SOX21: variants seen among roughly 807,000 people sequenced by gnomAD.
SOX21 encodes the protein transcription factor SOX-21.
For missense variants in SOX21, 370 were observed against 388.8 expected (o/e 0.95, Z 0.41); for synonymous variants, 237 against 189.7 (o/e 1.25, Z -2.05).
In SOX21 at chr13:94,712,094, C is replaced by A. The variant is rs374564780; in HGVS notation, c.-45G>T. The stretch of plus-strand genomic sequence containing the variant: ...TGCAGCCCGCCGCCTCCCGGGCCCT[C>A]GCCCTCGGCCCGGAGGAAATCAATG... On this transcript the variant is annotated 5_prime_UTR_variant, in exon 1 of 1. Coordinates refer to ENST00000376945, the MANE Select transcript of SOX21 (RefSeq NM_007084.4). This position sits in a 1 kb window ranked among gnomAD's most constrained non-coding sequence, Gnocchi z 5.0. The A allele has an allele frequency of 1.3e-5, 21 of 1,583,196 alleles. No individual in the cohort carries two copies. Among genetic ancestry groups the A allele is most frequent in the Admixed American group, 1.8e-5 (1 of 54,778 alleles).
In SOX21 at chr13:94,710,261, A is replaced by G. The variant is rs777262067; in HGVS notation, c.*958T>C. On this transcript the variant is annotated 3_prime_UTR_variant, in exon 1 of 1. Coordinates refer to ENST00000376945, the MANE Select transcript of SOX21 (RefSeq NM_007084.4). ...GGGCAACGAAAATAACACATTTTCCAAGCCTCAATGTTTTCACTGACATAT... is the reference window on the plus strand; with the variant it reads ...GGGCAACGAAAATAACACATTTTCCGAGCCTCAATGTTTTCACTGACATAT... 3.3e-5 allele frequency: 5 copies of G among 152,650 alleles called. No homozygotes were observed. Among genetic ancestry groups the G allele is most frequent in the Non-Finnish European group, 5.9e-5 (4 of 68,042 alleles). The allele number at this position is 152,650 out of a possible 1,614,324, so 9.5% of individuals were successfully genotyped here.
chr13:94,711,879 G>A lies in SOX21; in HGVS notation c.171C>T (p.Phe57=). Residue 57 remains phenylalanine, a synonymous_variant, in exon 1 of 1, where the codon TTC becomes TTT. Coordinates refer to ENST00000376945, the MANE Select transcript of SOX21 (RefSeq NM_007084.4). The stretch of plus-strand genomic sequence containing the variant: ...CGCGTAGACGCTTGGCCTCGTCGAT[G>A]AACGGCCGCTTCTCCGACTCTGTGA... ...KLLTESEKRP[F]IDEAKRLRAM... The A allele has an allele frequency of 6.2e-7, 1 of 1,614,006 alleles. No homozygotes were observed. The highest frequency in any genetic ancestry group is 1.7e-5 in the Admixed American group (1 of 60,028).
At position 94,710,366 on chromosome 13, in the gene SOX21, C is replaced by G. The variant is rs1875200217; in HGVS notation, c.*853G>C. ...CTTTTTCCTTTTTTGTAAACTGTGTCAGAAATCCAAGCGAGTGGACTCAGG... is the reference window on the plus strand; with the variant it reads ...CTTTTTCCTTTTTTGTAAACTGTGTGAGAAATCCAAGCGAGTGGACTCAGG... On this transcript the variant is annotated 3_prime_UTR_variant, in exon 1 of 1. Coordinates refer to ENST00000376945, the MANE Select transcript of SOX21 (RefSeq NM_007084.4). 1 of 152,528 alleles carries G rather than the reference C, an allele frequency of 6.6e-6. No homozygotes were observed. The highest frequency in any genetic ancestry group is 1.5e-5 in the Non-Finnish European group (1 of 68,036). 9.4% of individuals were successfully genotyped at this position (152,528 alleles called of 1,614,324 possible). A position where few individuals can be genotyped will look rare whatever the true frequency, so the allele number is the denominator to read the frequency against.
In SOX21 at chr13:94,712,446, C is replaced by T; in HGVS notation, c.-397G>A. 1 of 992,556 alleles carries T rather than the reference C, an allele frequency of 1.0e-6. No homozygotes were observed. Among genetic ancestry groups the T allele is most frequent in the African/African-American group, 1.7e-5 (1 of 57,442 alleles). The allele number at this position is 992,556 out of a possible 1,614,324, so 61.5% of individuals were successfully genotyped here. A position where few individuals can be genotyped will look rare whatever the true frequency, so the allele number is the denominator to read the frequency against. On this transcript the variant is annotated 5_prime_UTR_variant, in exon 1 of 1. Coordinates refer to ENST00000376945, the MANE Select transcript of SOX21 (RefSeq NM_007084.4). The surrounding 1 kb of genome is among the most constrained non-coding windows in gnomAD (Gnocchi z 5.0). Reference sequence around the variant, plus strand: ...CGTTCTCTCTTAAATGCAAAGCGTCCCCAAAAGTTGCGTCGCGGAGACTCC... The same window carrying T: ...CGTTCTCTCTTAAATGCAAAGCGTCTCCAAAAGTTGCGTCGCGGAGACTCC...
chr13:94,711,083 A>C lies in SOX21; in HGVS notation c.*136T>G. ...TGCCCCGCCTGGCCTCTCTGCCTCT[A>C]CCTGGCACCTATACATTCTATGTAC... On this transcript the variant is annotated 3_prime_UTR_variant, in exon 1 of 1. Transcript: ENST00000376945. The C allele has an allele frequency of 1.1e-6, 1 of 901,534 alleles. No homozygotes were observed. The highest frequency in any genetic ancestry group is 1.5e-6 in the Non-Finnish European group (1 of 689,448). The allele number at this position is 901,534 out of a possible 1,614,324, so 55.8% of individuals were successfully genotyped here. A position where few individuals can be genotyped will look rare whatever the true frequency, so the allele number is the denominator to read the frequency against.
Position 94,711,695 on chromosome 13 carries a change from C to T in SOX21, c.355G>A (p.Ala119Thr). 6.6e-7 allele frequency: 1 copy of T among 1,525,282 alleles called. No individual in the cohort carries two copies. The highest frequency in any genetic ancestry group is 8.8e-7 in the Non-Finnish European group (1 of 1,141,798). 94.5% of individuals were successfully genotyped at this position (1,525,282 alleles called of 1,614,324 possible). ...PALKAGAGLH[A>T]GAGGGLVPES... Reference sequence around the variant, plus strand: ...GGCACCAGGCCGCCGCCCGCCCCCGCGTGCAGCCCGGCGCCCGCCTTGAGC... The same window carrying T: ...GGCACCAGGCCGCCGCCCGCCCCCGTGTGCAGCCCGGCGCCCGCCTTGAGC... Residue 119 changes from alanine (A) to threonine (T), a missense_variant, in exon 1 of 1, where the codon GCG becomes ACG. By Grantham distance (58) the Ala-to-Thr change is moderately conservative (BLOSUM62 0). Coordinates refer to ENST00000376945, the MANE Select transcript of SOX21 (RefSeq NM_007084.4).
At position 94,711,215 on chromosome 13, in the gene SOX21, G is replaced by T; in HGVS notation, c.*4C>A. ...ACCGGTCCTCGCGAGGCGGCCCCGC[G>T]GGGTCATAGCGCGGCAGCGTAGGCC... is the stretch of plus-strand genomic sequence containing the variant. On this transcript the variant is annotated 3_prime_UTR_variant, in exon 1 of 1. Coordinates refer to ENST00000376945, the MANE Select transcript of SOX21 (RefSeq NM_007084.4). 7.5e-7 allele frequency: 1 copy of T among 1,328,730 alleles called. No homozygotes were observed. Among genetic ancestry groups the T allele is most frequent in the East Asian group, 3.1e-5 (1 of 32,680 alleles). The allele number at this position is 1,328,730 out of a possible 1,614,324, so 82.3% of individuals were successfully genotyped here.
In SOX21 at chr13:94,711,975, C is replaced by G. The variant is rs759756107; in HGVS notation, c.75G>C (p.Lys25Asn). 1 of 1,614,042 alleles carries G rather than the reference C, an allele frequency of 6.2e-7. No individual in the cohort carries two copies. The highest frequency in any genetic ancestry group is 8.5e-7 in the Non-Finnish European group (1 of 1,179,964). The change falls in exon 1 of 1, where the codon AAG becomes AAC. Residue 25 changes from lysine to asparagine, a missense_variant. Transcript: ENST00000376945. ...FMVWSRAQRR[K>N]MAQENPKMHN... ...GCATCTTGGGGTTCTCCTGGGCCAT[C>G]TTGCGCCGCTGAGCCCGCGACCACA... is the stretch of plus-strand genomic sequence containing the variant.
Position 94,711,694 on chromosome 13 carries a change from G to A in SOX21, c.356C>T (p.Ala119Val). The part of the protein sequence containing the change: ...PALKAGAGLH[A>V]GAGGGLVPES... Reference sequence around the variant, plus strand: ...AGGCACCAGGCCGCCGCCCGCCCCCGCGTGCAGCCCGGCGCCCGCCTTGAG... The same window carrying A: ...AGGCACCAGGCCGCCGCCCGCCCCCACGTGCAGCCCGGCGCCCGCCTTGAG... Residue 119 changes from alanine (A) to valine (V), a missense_variant, in exon 1 of 1, where the codon GCG (alanine) becomes GTG (valine). By Grantham distance (64) the Ala-to-Val change is moderately conservative. Transcript: ENST00000376945. 1 of 1,462,910 alleles carries A rather than the reference G, an allele frequency of 6.8e-7. No homozygotes were observed. 90.6% of individuals were successfully genotyped at this position (1,462,910 alleles called of 1,614,324 possible). A position where few individuals can be genotyped will look rare whatever the true frequency, so the allele number is the denominator to read the frequency against.
rs917171666 is a variant in SOX21 at position 94,710,889 on chromosome 13, C to A, written c.*330G>T. 4.2e-6 allele frequency: 1 copy of A among 237,608 alleles called. No homozygotes were observed. The highest frequency in any genetic ancestry group is 2.2e-5 in the African/African-American group (1 of 44,468). The allele number at this position is 237,608 out of a possible 1,614,324, so 14.7% of individuals were successfully genotyped here. A position where few individuals can be genotyped will look rare whatever the true frequency, so the allele number is the denominator to read the frequency against. On this transcript the variant is annotated 3_prime_UTR_variant, in exon 1 of 1. Coordinates refer to ENST00000376945, the MANE Select transcript of SOX21 (RefSeq NM_007084.4). Reference sequence around the variant, plus strand: ...AAGGCCAACATGTCAAAAAGTTACTCCTCCACCTCCGTGGGTCAAAACGCA... The same window carrying A: ...AAGGCCAACATGTCAAAAAGTTACTACTCCACCTCCGTGGGTCAAAACGCA...
chr13:94,712,093 T>C lies in SOX21; in HGVS notation c.-44A>G, dbSNP rs2138618793. 3 of 1,585,044 alleles carry C rather than the reference T, an allele frequency of 1.9e-6. No homozygotes were observed. Among genetic ancestry groups the C allele is most frequent in the South Asian group, 1.1e-5 (1 of 88,864 alleles). On this transcript the variant is annotated 5_prime_UTR_variant, in exon 1 of 1. Transcript: ENST00000376945. The surrounding 1 kb of genome is among the most constrained non-coding windows in gnomAD (Gnocchi z 5.0). ...CTGCAGCCCGCCGCCTCCCGGGCCC[T>C]CGCCCTCGGCCCGGAGGAAATCAAT...
Position 94,712,226 on chromosome 13 carries a change from C to T in SOX21, c.-177G>A, listed in dbSNP as rs2138618927. The T allele has an allele frequency of 8.0e-7, 1 of 1,253,418 alleles. No homozygotes were observed. Among genetic ancestry groups the T allele is most frequent in the Non-Finnish European group, 1.0e-6 (1 of 1,003,682 alleles). The allele number at this position is 1,253,418 out of a possible 1,614,324, so 77.6% of individuals were successfully genotyped here. ...GGGACCAGCCCAGGGCCACGCCGCGCCCCGGGCCGCCTTAGTGTCTCCGGC... is the reference window on the plus strand; with the variant it reads ...GGGACCAGCCCAGGGCCACGCCGCGTCCCGGGCCGCCTTAGTGTCTCCGGC... On this transcript the variant is annotated 5_prime_UTR_variant, in exon 1 of 1. Transcript: ENST00000376945. This position sits in a 1 kb window ranked among gnomAD's most constrained non-coding sequence, Gnocchi z 5.0.
Position 94,711,721 on chromosome 13 carries a change from G to A in SOX21, c.329C>T (p.Ala110Val). Residue 110 changes from alanine to valine, a missense_variant, in exon 1 of 1, where the codon GCG (alanine) becomes GTG (valine). By Grantham distance (64) the Ala-to-Val change is moderately conservative (BLOSUM62 0). Transcript: ENST00000376945. Reference sequence around the variant, plus strand: ...GTGCAGCCCGGCGCCCGCCTTGAGCGCAGGGTGCTCGGCGTCCGCCACGCC... The same window carrying A: ...GTGCAGCCCGGCGCCCGCCTTGAGCACAGGGTGCTCGGCGTCCGCCACGCC... ...LGGVADAEHP[A>V]LKAGAGLHAG... 1 of 1,605,182 alleles carries A rather than the reference G, an allele frequency of 6.2e-7. No individual in the cohort carries two copies. Among genetic ancestry groups the A allele is most frequent in the Non-Finnish European group, 8.5e-7 (1 of 1,176,884 alleles).
Position 94,711,044 on chromosome 13 carries a change from C to G in SOX21, c.*175G>C. 1.7e-6 allele frequency: 1 copy of G among 590,334 alleles called. No individual in the cohort carries two copies. The highest frequency in any genetic ancestry group is 1.9e-5 in the African/African-American group (1 of 52,054). 36.6% of individuals were successfully genotyped at this position (590,334 alleles called of 1,614,324 possible). On this transcript the variant is annotated 3_prime_UTR_variant, in exon 1 of 1. Coordinates refer to ENST00000376945, the MANE Select transcript of SOX21 (RefSeq NM_007084.4). ...AGGCCTGCTCGCCCGCGCCCTTGCGCGCTTGGCCACTCCTGCCCCGCCTGG... is the reference window on the plus strand; with the variant it reads ...AGGCCTGCTCGCCCGCGCCCTTGCGGGCTTGGCCACTCCTGCCCCGCCTGG...
In SOX21 at chr13:94,711,639, C is replaced by A. The variant is rs1183696442; in HGVS notation, c.411G>T (p.Ala137=). ...CGGCGGCAGCGGCGGCGGCCGCGGC[C>A]GCCTTCTCGGGATTGGCGAGCAGCG... ...PESLLANPEK[A]AAAAAAAAAR... is the part of the protein sequence containing the mutation. Residue 137 remains alanine, a synonymous_variant, in exon 1 of 1, where the codon GCG becomes GCT. Coordinates refer to ENST00000376945, the MANE Select transcript of SOX21 (RefSeq NM_007084.4). 1.6e-6 allele frequency: 2 copies of A among 1,273,008 alleles called. No individual in the cohort carries two copies. The highest frequency in any genetic ancestry group is 6.2e-5 in the South Asian group (2 of 32,432). 78.9% of individuals were successfully genotyped at this position (1,273,008 alleles called of 1,614,324 possible).
Position 94,711,144 on chromosome 13 carries a change from G to C in SOX21, c.*75C>G, listed in dbSNP as rs1478471202. On this transcript the variant is annotated 3_prime_UTR_variant, in exon 1 of 1. Coordinates refer to ENST00000376945, the MANE Select transcript of SOX21 (RefSeq NM_007084.4). The stretch of plus-strand genomic sequence containing the variant: ...GGCCCCCGGTCGCGGGAGGGCGCAC[G>C]GGGAGGCCGCAGCGCTCGTACCTAT... 1.5e-5 allele frequency: 18 copies of C among 1,215,454 alleles called. No homozygotes were observed. The Admixed American group carries it at 2.1e-4, about 14-fold the overall frequency. 75.3% of individuals were successfully genotyped at this position (1,215,454 alleles called of 1,614,324 possible). A position where few individuals can be genotyped will look rare whatever the true frequency, so the allele number is the denominator to read the frequency against.
chr13:94,711,388 C>A lies in SOX21; in HGVS notation c.662G>T (p.Gly221Val), dbSNP rs868549237. Residue 221 changes from glycine (G) to valine (V), a missense_variant, in exon 1 of 1, where the codon GGG becomes GTG. By Grantham distance (109) the Gly-to-Val change is moderately radical (BLOSUM62 -3). Coordinates refer to ENST00000376945, the MANE Select transcript of SOX21 (RefSeq NM_007084.4). ...CGGGCTGGGGTGCGAGTGCGTGTGC[C>A]CCCCGGCGGCGGCGGCCGCCGCTGC... ...AAAAAAAAAGGHTHSHPSPGN... is the reference protein window; with the variant it reads ...AAAAAAAAAGVHTHSHPSPGN... 4.8e-6 allele frequency: 6 copies of A among 1,238,724 alleles called. No individual in the cohort carries two copies. The highest frequency in any genetic ancestry group is 5.0e-6 in the Non-Finnish European group (5 of 991,938). The allele number at this position is 1,238,724 out of a possible 1,614,324, so 76.7% of individuals were successfully genotyped here.
At position 94,712,034 on chromosome 13, in the gene SOX21, C is replaced by G; in HGVS notation, c.16G>C (p.Asp6His). MSKPVDHVKRPMNAFM... is the reference protein window; with the variant it reads MSKPVHHVKRPMNAFM... ...GCGTTCATGGGCCGCTTGACGTGGT[C>G]CACCGGCTTGGACATGCTCTCGCCC... The change falls in exon 1 of 1, where the codon GAC becomes CAC. Residue 6 changes from aspartate to histidine, a missense_variant. Asp to His is a moderately conservative substitution (Grantham distance 81). Coordinates refer to ENST00000376945, the MANE Select transcript of SOX21 (RefSeq NM_007084.4). This position sits in a 1 kb window ranked among gnomAD's most constrained non-coding sequence, Gnocchi z 5.0. The G allele has an allele frequency of 6.2e-7, 1 of 1,613,642 alleles. No homozygotes were observed. The highest frequency in any genetic ancestry group is 8.5e-7 in the Non-Finnish European group (1 of 1,179,820).
At position 94,711,552 on chromosome 13, in the gene SOX21, C is replaced by CGCGGCGGCG. The variant is rs760919823; in HGVS notation, c.489_497dup (p.Ala164_Ala166dup). The CGCGGCGGCG allele has an allele frequency of 1.0e-5, 10 of 961,626 alleles. No individual in the cohort carries two copies. The South Asian group carries it at 2.2e-4, about 21-fold the overall frequency. The allele number at this position is 961,626 out of a possible 1,614,324, so 59.6% of individuals were successfully genotyped here. A position where few individuals can be genotyped will look rare whatever the true frequency, so the allele number is the denominator to read the frequency against. ...GGTCGAGCAGCGAGTAGGGGCTGCC[C>CGCGGCGGCG]GCGGCGGCGGCGGCGGCGGCAGCGG... is the stretch of plus-strand genomic sequence containing the variant. On this transcript the variant is annotated inframe_insertion, in exon 1 of 1. Transcript: ENST00000376945.
Sources: allele counts gnomAD v4.1 joint callset, GRCh38; gene constraint gnomAD v4.1.1; non-coding constraint Gnocchi (gnomAD v3.1); transcripts MANE v1.5; gene names NCBI Gene and HGNC (gene_info 2026-07-23, HGNC 2026-07-21).